Variants in PPM1E observed in about 807,000 individuals in gnomAD.
The protein encoded by PPM1E is protein phosphatase, Mg2+/Mn2+ dependent 1E.
PPM1E carries 20 observed loss-of-function variants against 65.9 expected under a neutral mutation model. The ratio of observed to expected loss-of-function variants is 0.30; its 90% CI spans 0.21 to 0.44. The LOEUF (loss-of-function observed/expected upper bound fraction) is 0.44, where lower values mean the gene tolerates loss of function less well. Ranked by LOEUF, PPM1E falls within the 20% of genes least tolerant of loss-of-function variation. The probability of loss-of-function intolerance (pLI) is 1.00; values close to 1 mark genes in which losing one functional copy is unlikely to be tolerated. For missense variants in PPM1E, 713 were observed against 953.1 expected (o/e 0.75, Z 3.32); for synonymous variants, 352 against 374.9 (o/e 0.94, Z 0.70).
chr17:58,963,924 A>G (rs1015619800), intron 2 of PPM1E, among the ~76,000 whole-genome samples: 1 of 152,086 alleles, frequency 6.6e-6, no homozygotes, highest in African/African-American at 2.4e-5. Flanking sequence ...AGACAAAACC[A>G]CAAGACAGGA....
chr17:58,761,585 G>C (rs1043779655), intron 1 of PPM1E, among the ~76,000 whole-genome samples: 1 of 152,146 alleles, frequency 6.6e-6, no homozygotes, highest in African/African-American at 2.4e-5. Context: ...TTTGCACATA[G>C]TATATTTTTC....
chr17:58,895,949 CAA>C (rs34230027), intron 1 of PPM1E, among the ~76,000 whole-genome samples: 11 of 127,772 alleles, frequency 8.6e-5, no homozygotes, highest in African/African-American at 1.8e-4. Context: ...GCTAAACATA[CAA>C]AAAAAAAAAA....
chr17:58,914,107 C>T (rs2051658880), intron 1 of PPM1E, among the ~76,000 whole-genome samples: 1 of 152,098 alleles, frequency 6.6e-6, no homozygotes, highest in South Asian at 2.1e-4. Flanking sequence ...TTTCTTTCAC[C>T]ATCATAATTT....
At chr17:58,916,735 T>C (rs2051687593) in intron 1 of PPM1E, among the ~76,000 whole-genome samples, 2 of 152,230 alleles carry the variant, frequency 1.3e-5, no homozygotes, top group Non-Finnish European at 2.9e-5. Flanking sequence ...TGTGGTTCCT[T>C]CCAATTCTAT....
chr17:58,765,066 T>G (rs1233151754), intron 1 of PPM1E, among the ~76,000 whole-genome samples: 1 of 272 alleles, frequency 3.7e-3, no homozygotes, highest in African/African-American at 5.7e-3. Flanking sequence ...TATGTTTTTG[T>G]TGGTGTGTGT....
intron 1 of PPM1E, among the ~76,000 whole-genome samples, chr17:58,793,619 G>A (rs2050177798): frequency 1.3e-5 from 2 of 151,970 alleles, no homozygotes; most frequent in African/African-American, 4.8e-5. Context: ...GACTCCCAAA[G>A]TGCTGGGATT....
At chr17:58,818,353 A>G (rs759409027) in intron 1 of PPM1E, among the ~76,000 whole-genome samples, 8 of 152,202 alleles carry the variant, frequency 5.3e-5, no homozygotes, top group African/African-American at 1.9e-4. Flanking sequence ...TAGTAGATTT[A>G]TATTTAATTC....
intron 1 of PPM1E, among the ~76,000 whole-genome samples, chr17:58,807,769 T>C (rs1480763807): frequency 1.3e-5 from 2 of 152,072 alleles, no homozygotes; most frequent in East Asian, 1.9e-4. Context: ...AAAACACGAA[T>C]AGGCAAGAAA....
In PPM1E at chr17:58,923,783, C is replaced by T. The variant is rs73315161; in HGVS notation, c.465-31866C>T. The stretch of plus-strand genomic sequence containing the variant: ...AAAAAAAGTCATTTGGACATGGTGG[C>T]TTGCACCATAATCCCAGCTACTCAG... On this transcript the variant is annotated intron_variant, in intron 1 of 6. Coordinates refer to ENST00000308249, the MANE Select transcript of PPM1E (RefSeq NM_014906.5). Among the ~76,000 whole-genome samples the T allele has an allele frequency of 8.9e-3, 1,343 of 150,206 alleles. 27 individuals are homozygous for T. Among genetic ancestry groups the T allele is most frequent in the African/African-American group, 0.03 (1,240 of 41,014 alleles).
chr17:58,971,733 G>A (rs923101365), intron 4 of PPM1E, among the ~76,000 whole-genome samples: 1 of 152,184 alleles, frequency 6.6e-6, no homozygotes, highest in African/African-American at 2.4e-5. Flanking sequence ...ATGAAATGGA[G>A]AGCAGAATAT....
chr17:58,868,375 A>C (rs943466580), intron 1 of PPM1E, among the ~76,000 whole-genome samples: 7 of 152,136 alleles, frequency 4.6e-5, no homozygotes, highest in Admixed American at 1.3e-4. Flanking sequence ...TTTTCAAAAA[A>C]AAATTTTTTT....
At chr17:58,942,978 G>A (rs1189011353) in intron 1 of PPM1E, among the ~76,000 whole-genome samples, 2 of 151,886 alleles carry the variant, frequency 1.3e-5, no homozygotes, top group Non-Finnish European at 2.9e-5. Flanking sequence ...AGCTATGATT[G>A]TGCCACTGCA....
intron 1 of PPM1E, among the ~76,000 whole-genome samples, chr17:58,846,471 TC>T (rs1263903298): frequency 6.6e-6 from 1 of 152,112 alleles, no homozygotes; most frequent in African/African-American, 2.4e-5. Flanking sequence ...CACCCTGTGT[TC>T]AAGTATTCTC....
chr17:58,968,087 C>T (rs938144992), intron 3 of PPM1E, among the ~76,000 whole-genome samples: 1 of 152,122 alleles, frequency 6.6e-6, no homozygotes, highest in African/African-American at 2.4e-5. Context: ...CAGGTGTGAG[C>T]CACCGCACCC....
chr17:58,945,001 T>C (rs1356036031), intron 1 of PPM1E, among the ~76,000 whole-genome samples: 1 of 152,188 alleles, frequency 6.6e-6, no homozygotes, highest in African/African-American at 2.4e-5. Context: ...TTACTAATTG[T>C]CTTTTTTGTT....
rs571974785 is a variant in PPM1E, at chr17:58,772,549, TAA to T, written c.464+16090_464+16091del. On this transcript the variant is annotated intron_variant, in intron 1 of 6. Transcript: ENST00000308249. ...CCCTTGGATTTTGGAAGGGGACACT[TAA>T]ATTAGGTTTAGAAGACTCAATAAGA... Among the ~76,000 whole-genome samples, 24 of 151,776 alleles carry T rather than the reference TAA, an allele frequency of 1.6e-4. No individual in the cohort carries two copies. The South Asian group carries it at 5.0e-3, about 32-fold the overall frequency.
chr17:58,955,305 C>T (rs894518509), intron 1 of PPM1E, among the ~76,000 whole-genome samples: 3 of 152,172 alleles, frequency 2.0e-5, no homozygotes, highest in African/African-American at 2.4e-5. Context: ...GCAGAGGTTG[C>T]GGTGAGCCCA....
At chr17:58,858,586 C>T (rs574862317) in intron 1 of PPM1E, among the ~76,000 whole-genome samples, 91 of 151,974 alleles carry the variant, frequency 6.0e-4, no homozygotes, top group African/African-American at 2.1e-3. Flanking sequence ...CTGTTCCTGG[C>T]TTACTTCATA....
chr17:58,956,004 G>A (rs1432140890), intron 2 of PPM1E, among the ~76,000 whole-genome samples: 1 of 152,132 alleles, frequency 6.6e-6, no homozygotes, highest in Non-Finnish European at 1.5e-5. Flanking sequence ...AAGGTAACTG[G>A]AGCAACAGGA....
Sources: allele counts gnomAD v4.1 joint callset (sites outside exome capture counted in the v4.1 genomes callset), GRCh38; gene constraint gnomAD v4.1.1; transcripts MANE v1.5; gene names NCBI Gene and HGNC (gene_info 2026-07-23, HGNC 2026-07-21).